The following RBFOX1 variants were observed in gnomAD, a reference collection of about 807,000 sequenced individuals.
RBFOX1 encodes RNA binding fox-1 homolog 1, also known as RNA binding protein fox-1 homolog 1.
RBFOX1 carries 8 observed loss-of-function variants against 57.7 expected under a neutral mutation model. The observed-to-expected ratio is 0.14, with a 90% CI of 0.08 to 0.25. The LOEUF is 0.25. Among genes scored for constraint, RBFOX1 ranks in the 10% least tolerant of loss-of-function variants. The pLI, the probability that RBFOX1 is intolerant of heterozygous loss-of-function variation, is 1.00. For missense variants in RBFOX1, 611 were observed against 548.5 expected, an observed-to-expected ratio of 1.11 and a Z score of -1.14; for synonymous variants, 326 against 222.4, an observed-to-expected ratio of 1.47 and a Z score of -4.15.
intron 2 of RBFOX1, among the ~76,000 whole-genome samples, chr16:6,637,398 T>TAAATATATATAATATATAATATAC (rs2098452281): frequency 2.2e-4 from 1 of 4,490 alleles, no homozygotes; most frequent in Non-Finnish European, 1.5e-3. Context: ...TATTATATAT[T>TAAATATATATAATATATAATATAC]AAATATATAT....
At chr16:6,341,200 T>A (rs2084516613) in intron 2 of RBFOX1, among the ~76,000 whole-genome samples, 1 of 152,172 alleles carries the variant, frequency 6.6e-6, no homozygotes, top group African/African-American at 2.4e-5. Flanking sequence ...CCTTCTGAAC[T>A]CTCTATGGGA....
At chr16:6,943,200 A>T (rs982425056) in intron 3 of RBFOX1, among the ~76,000 whole-genome samples, 2 of 152,218 alleles carry the variant, frequency 1.3e-5, no homozygotes, top group African/African-American at 4.8e-5. Context: ...CCAAATGGGA[A>T]CTGCTTTGCC....
chr16:6,472,428 A>G (rs1333957311), intron 2 of RBFOX1, among the ~76,000 whole-genome samples: 1 of 151,956 alleles, frequency 6.6e-6, no homozygotes, highest in South Asian at 2.1e-4. Context: ...TGTTGACCCT[A>G]TTTCTGCACT....
At chr16:5,789,711 G>C (rs140076130) in intron 3 of RBFOX1, among the ~76,000 whole-genome samples, 2 of 152,100 alleles carry the variant, frequency 1.3e-5, no homozygotes, top group African/African-American at 4.8e-5. Context: ...GAAGATAGAA[G>C]CTCAAAAATG....
intron 4 of RBFOX1, among the ~76,000 whole-genome samples, chr16:5,970,993 G>T (rs1459945502): frequency 1.3e-5 from 2 of 152,184 alleles, no homozygotes; most frequent in Non-Finnish European, 2.9e-5. Flanking sequence ...TCCACAAGGA[G>T]ACATCTCTAT....
intron 4 of RBFOX1, among the ~76,000 whole-genome samples, chr16:5,909,885 T>G (rs565753407): frequency 6.6e-6 from 1 of 151,934 alleles, no homozygotes; most frequent in Non-Finnish European, 1.5e-5. Flanking sequence ...AAACCCCGTC[T>G]CCACTAAAAA....
At chr16:6,771,480 T>C (rs973952345) in intron 3 of RBFOX1, among the ~76,000 whole-genome samples, 13 of 152,150 alleles carry the variant, frequency 8.5e-5, no homozygotes, top group African/African-American at 3.1e-4. Flanking sequence ...AGAGAGACTT[T>C]CTGATGCCTA....
chr16:5,350,843 C>T (rs2065247321), intron 1 of RBFOX1, among the ~76,000 whole-genome samples: 1 of 150,914 alleles, frequency 6.6e-6, no homozygotes, highest in African/African-American at 2.4e-5. Context: ...CCAGCCTGGG[C>T]AACAAAAGTG....
At chr16:7,444,721 G>C (rs952195737) in intron 4 of RBFOX1, among the ~76,000 whole-genome samples, 1 of 152,060 alleles carries the variant, frequency 6.6e-6, no homozygotes, top group African/African-American at 2.4e-5. Context: ...TTGTAGAGGT[G>C]AGGGCTCCCT....
At chr16:5,596,076 A>G (rs557257604) in intron 2 of RBFOX1, among the ~76,000 whole-genome samples, 1 of 152,098 alleles carries the variant, frequency 6.6e-6, no homozygotes, top group African/African-American at 2.4e-5. Flanking sequence ...GGCCTCTGGG[A>G]CCTCAGGCTC....
At chr16:5,336,769 G>T (rs1054023709) in intron 1 of RBFOX1, among the ~76,000 whole-genome samples, 1 of 152,166 alleles carries the variant, frequency 6.6e-6, no homozygotes, top group African/African-American at 2.4e-5. Context: ...CCTCCTTCTG[G>T]TGAGCTCCTG....
At position 6,921,899 on chromosome 16, in the gene RBFOX1, G is replaced by C. The variant is rs963673257; in HGVS notation, c.-15-130158G>C. Among the ~76,000 whole-genome samples the C allele has an allele frequency of 1.2e-4, 18 of 152,018 alleles. 1 individual carries two copies. Among genetic ancestry groups the C allele is most frequent in the African/African-American group, 4.1e-4 (17 of 41,388 alleles). ...AATGAAGAGGAGGAGATTATGCAAG[G>C]GTGAGAACACAGGAAGTCAGGGATC... On this transcript the variant is annotated intron_variant, in intron 3 of 15. Coordinates refer to ENST00000550418, the MANE Select transcript of RBFOX1 (RefSeq NM_018723.4).
intron 4 of RBFOX1, among the ~76,000 whole-genome samples, chr16:7,362,140 G>A (rs2097336325): frequency 1.3e-5 from 2 of 151,488 alleles, no homozygotes; most frequent in Admixed American, 6.6e-5. Flanking sequence ...GTGTGTGTTA[G>A]TGTATGTGTG....
At chr16:7,571,770 G>A (rs1288795162) in intron 5 of RBFOX1, among the ~76,000 whole-genome samples, 2 of 152,094 alleles carry the variant, frequency 1.3e-5, no homozygotes, top group African/African-American at 4.8e-5. Context: ...TCTGTGTAGG[G>A]TCCTGCAGCC....
intron 4 of RBFOX1, among the ~76,000 whole-genome samples, chr16:7,211,139 C>G (rs2091044140): frequency 6.6e-6 from 1 of 150,378 alleles, no homozygotes; most frequent in Non-Finnish European, 1.5e-5. Context: ...CACCTGTAAT[C>G]CCAGCACTTT....
Position 6,311,425 on chromosome 16 carries a change from G to A in RBFOX1, c.-126-5570G>A, listed in dbSNP as rs529054540. 4.6e-5 allele frequency among the ~76,000 whole-genome samples: 7 copies of A among 152,146 alleles called. No homozygotes were observed. The South Asian group carries it at 1.2e-3, about 27-fold the overall frequency. On this transcript the variant is annotated intron_variant, in intron 1 of 15. Transcript: ENST00000550418. The stretch of plus-strand genomic sequence containing the variant: ...GGGGAACGCTCATCACAGAGACCAA[G>A]CATCTGATGTGGGGATGGGATGGGA...
chr16:6,830,950 T>G (rs1346747206), intron 3 of RBFOX1, among the ~76,000 whole-genome samples: 1 of 152,176 alleles, frequency 6.6e-6, no homozygotes, highest in Non-Finnish European at 1.5e-5. Context: ...TCCATGGATA[T>G]TTTATTTAAT....
chr16:7,322,913 C>T (rs1336271008), intron 4 of RBFOX1, among the ~76,000 whole-genome samples: 2 of 152,160 alleles, frequency 1.3e-5, no homozygotes, highest in African/African-American at 2.4e-5. Context: ...TTTCCATGTA[C>T]CTCTGACTTT....
intron 3 of RBFOX1, among the ~76,000 whole-genome samples, chr16:6,990,928 C>T (rs1210185179): frequency 6.6e-6 from 1 of 151,974 alleles, no homozygotes; most frequent in Non-Finnish European, 1.5e-5. Context: ...CAATTTATTG[C>T]CAATGAGAAC....
Sources: allele counts gnomAD v4.1 joint callset (sites outside exome capture counted in the v4.1 genomes callset), GRCh38; gene constraint gnomAD v4.1.1; transcripts MANE v1.5; gene names NCBI Gene and HGNC (gene_info 2026-07-23, HGNC 2026-07-21).